Variants in ASXL3 observed in about 807,000 individuals in gnomAD.
ASXL3 encodes the protein ASXL transcriptional regulator 3.
ASXL3 carries 34 observed loss-of-function variants against 170.6 expected under a neutral mutation model. The observed-to-expected ratio is 0.20, with a 90% CI of 0.15 to 0.27. The LOEUF is 0.27. Ranked by LOEUF, ASXL3 falls within the 10% of genes least tolerant of loss-of-function variation. The pLI is 1.00. For missense variants in ASXL3, 2,592 were observed against 2,695.3 expected (o/e 0.96, Z 0.85); for synonymous variants, 1,002 against 989.1 (o/e 1.01, Z -0.24).
At chr18:33,737,892 T>C (rs1380566046) in intron 10 of ASXL3, among the ~76,000 whole-genome samples, 1 of 152,176 alleles carries the variant, frequency 6.6e-6, no homozygotes, top group Non-Finnish European at 1.5e-5. Flanking sequence ...CTCTGAAAAC[T>C]ATATAATTTT....
In ASXL3 at chr18:33,610,529, C is replaced by T. The variant is rs188202533; in HGVS notation, c.137+2853C>T. ...CAAGGCCATTTGTTTCAAGTGCTAT[C>T]GGGGTCCTTCATTCTATGTGTGCCA... On this transcript the variant is annotated intron_variant, in intron 2 of 11. Transcript: ENST00000269197. Among the ~76,000 whole-genome samples, 367 of 152,082 alleles carry T rather than the reference C, an allele frequency of 2.4e-3. 1 individual carries two copies. Among genetic ancestry groups the T allele is most frequent in the African/African-American group, 6.7e-3 (280 of 41,516 alleles).
chr18:33,657,731 A>ACTC lies in ASXL3; in HGVS notation c.356-3885_356-3884insCTC, dbSNP rs199718656. ...TTTTGCTCCCTGATCTTCTAAATAG[A>ACTC]GTATTTTGAGGGAGGGTTTGGGGAG... is the stretch of plus-strand genomic sequence containing the variant. On this transcript the variant is annotated intron_variant, in intron 4 of 11. Transcript: ENST00000269197. Among the ~76,000 whole-genome samples the ACTC allele has an allele frequency of 9.8e-3, 1,489 of 152,092 alleles. 77 individuals carry two copies. The highest frequency in any genetic ancestry group is 0.079 in the Admixed American group (1,209 of 15,252).
At chr18:33,583,638 T>A (rs2041317388) in intron 1 of ASXL3, among the ~76,000 whole-genome samples, 1 of 152,172 alleles carries the variant, frequency 6.6e-6, no homozygotes, top group Admixed American at 6.5e-5. Context: ...TAATTTTTTA[T>A]TTCCTGCCGA....
chr18:33,659,231 T>C (rs758563888), intron 4 of ASXL3, among the ~76,000 whole-genome samples: 1 of 152,094 alleles, frequency 6.6e-6, no homozygotes, highest in Non-Finnish European at 1.5e-5. Context: ...TTAATCCTGC[T>C]GAAGTGGAGT....
chr18:33,611,633 A>G (rs1342729255), intron 2 of ASXL3, among the ~76,000 whole-genome samples: 2 of 152,060 alleles, frequency 1.3e-5, no homozygotes, highest in Non-Finnish European at 2.9e-5. Flanking sequence ...GCTTTTGTGG[A>G]TGGATATTTG....
At chr18:33,617,420 G>A (rs1231293248) in intron 2 of ASXL3, among the ~76,000 whole-genome samples, 1 of 152,166 alleles carries the variant, frequency 6.6e-6, no homozygotes, top group African/African-American at 2.4e-5. Flanking sequence ...GAACCTGGGA[G>A]GCGGAGGTTG....
At chr18:33,674,878 A>G (rs2066401082) in intron 7 of ASXL3, among the ~76,000 whole-genome samples, 1 of 152,146 alleles carries the variant, frequency 6.6e-6, no homozygotes, top group South Asian at 2.1e-4. Context: ...TCGGCTTCCC[A>G]AAGTGCTGGG....
chr18:33,647,716 A>G (rs142865653), intron 4 of ASXL3, among the ~76,000 whole-genome samples: 1 of 152,204 alleles, frequency 6.6e-6, no homozygotes, highest in Non-Finnish European at 1.5e-5. Flanking sequence ...ACTATTCTTG[A>G]CATTGCAGTT....
intron 1 of ASXL3, among the ~76,000 whole-genome samples, chr18:33,587,017 TC>T (rs566730841): frequency 3.8e-4 from 58 of 152,316 alleles, no homozygotes; most frequent in African/African-American, 1.2e-3. Flanking sequence ...CTTACTTAGT[TC>T]TGACCTTCCA....
At position 33,644,914 on chromosome 18, in the gene ASXL3, G is replaced by C; in HGVS notation, c.158G>C (p.Cys53Ser). Residue 53 changes from cysteine (C) to serine (S), a missense_variant, in exon 3 of 12, where the codon TGT (cysteine) becomes TCT (serine). Coordinates refer to ENST00000269197, the MANE Select transcript of ASXL3 (RefSeq NM_030632.3). The stretch of plus-strand genomic sequence containing the variant: ...TCTAGTGGAACCTCTCCATTAGCCT[G>C]TCTGAATGCAATGCTTCACACTAAC... Reference protein sequence around the residue: ...KETSGTSPLACLNAMLHTNTR... With the variant: ...KETSGTSPLASLNAMLHTNTR... 6.3e-7 allele frequency: 1 copy of C among 1,577,032 alleles called. No homozygotes were observed.
At position 33,743,291 on chromosome 18, in the gene ASXL3, C is replaced by T. The variant is rs1253851012; in HGVS notation, c.3443C>T (p.Pro1148Leu). Reference sequence around the variant, plus strand: ...CCAAACTTAGAAGTCTCTTCTACCCCTGAAACAAAAATGGAAGGTTCGACT... The same window carrying T: ...CCAAACTTAGAAGTCTCTTCTACCCTTGAAACAAAAATGGAAGGTTCGACT... The part of the protein sequence containing the change: ...GPPNLEVSST[P>L]ETKMEGSTGV... The change falls in exon 12 of 12, where the codon CCT (proline) becomes CTT (leucine). Residue 1148 changes from proline (P) to leucine (L), a missense_variant. Around this residue, in one of 4 missense-constraint regions of ASXL3, gnomAD observed 2,246 missense variants for 2,219.6 expected, o/e 1.01. Transcript: ENST00000269197. 1 of 1,613,894 alleles carries T rather than the reference C, an allele frequency of 6.2e-7. No individual in the cohort carries two copies.
chr18:33,682,633 A>G (rs535227925), intron 7 of ASXL3, among the ~76,000 whole-genome samples: 117 of 151,970 alleles, frequency 7.7e-4, no homozygotes, highest in Admixed American at 1.4e-3. Context: ...CTGCACCCCT[A>G]CCTCCCGCGC....
At chr18:33,582,278 A>C (rs1052585946) in intron 1 of ASXL3, among the ~76,000 whole-genome samples, 2 of 152,214 alleles carry the variant, frequency 1.3e-5, no homozygotes, top group Non-Finnish European at 1.5e-5. Flanking sequence ...AATACAGTTT[A>C]AACCATTGTG....
intron 7 of ASXL3, 77 bp downstream of exon 7, chr18:33,671,943 GA>G: frequency 7.4e-7 from 1 of 1,348,040 alleles, no homozygotes; most frequent in Non-Finnish European, 9.8e-7. Context: ...AAAATTTTCA[GA>G]ACATTTTTTA....
At chr18:33,698,158 T>C (rs1232202948) in intron 8 of ASXL3, among the ~76,000 whole-genome samples, 1 of 152,090 alleles carries the variant, frequency 6.6e-6, no homozygotes, top group African/African-American at 2.4e-5. Context: ...GACTTTGCCC[T>C]TGTGAATGGG....
chr18:33,744,659 G>A lies in ASXL3; in HGVS notation c.4811G>A (p.Ser1604Asn). The change falls in exon 12 of 12, where the codon AGT becomes AAT. Residue 1604 changes from serine (S) to asparagine (N), a missense_variant. Coordinates refer to ENST00000269197, the MANE Select transcript of ASXL3 (RefSeq NM_030632.3). ...DTTCSNQYNP[S>N]NRICWNDDGM... ...ACCTGTAGCAATCAGTATAACCCAA[G>A]TAACCGGATTTGCTGGAATGATGAT... 1 of 1,607,820 alleles carries A rather than the reference G, an allele frequency of 6.2e-7. No homozygotes were observed. The highest frequency in any genetic ancestry group is 8.5e-7 in the Non-Finnish European group (1 of 1,176,582).
At chr18:33,701,536 C>G (rs1033105020) in intron 8 of ASXL3, among the ~76,000 whole-genome samples, 6 of 151,834 alleles carry the variant, frequency 4.0e-5, no homozygotes, top group African/African-American at 1.2e-4. Context: ...CTATTTTGTT[C>G]TTTTAGTGTT....
Position 33,738,663 on chromosome 18 carries a change from C to A in ASXL3, c.1259C>A (p.Ala420Asp). ...GCTTCTCCAGAGCCTGGTTTCTGTG[C>A]TACTCTTTGCCCTATGGTAGAAATT... is the stretch of plus-strand genomic sequence containing the variant. ...SPASPEPGFC[A>D]TLCPMVEIPP... is the part of the protein sequence containing the mutation. The change falls in exon 11 of 12, where the codon GCT becomes GAT. Residue 420 changes from alanine to aspartate, a missense_variant. This residue lies in a region of ASXL3 where 2,246 missense variants were observed against 2,219.6 expected (regional missense o/e 1.01). Coordinates refer to ENST00000269197, the MANE Select transcript of ASXL3 (RefSeq NM_030632.3). 1 of 1,613,976 alleles carries A rather than the reference C, an allele frequency of 6.2e-7. No individual in the cohort carries two copies. Among genetic ancestry groups the A allele is most frequent in the South Asian group, 1.1e-5 (1 of 91,086 alleles).
intron 2 of ASXL3, among the ~76,000 whole-genome samples, chr18:33,630,386 C>CT (rs148544603): frequency 0.096 from 14,151 of 148,092 alleles, 752 homozygotes; most frequent in African/African-American, 0.13. Context: ...AAACCTATGG[C>CT]TTTTTTTTTT....
Sources: allele counts gnomAD v4.1 joint callset (sites outside exome capture counted in the v4.1 genomes callset), GRCh38; gene constraint gnomAD v4.1.1; regional missense constraint gnomAD v4.1.1; transcripts MANE v1.5; gene names NCBI Gene and HGNC (gene_info 2026-07-23, HGNC 2026-07-21).